MGAT5: variants seen among roughly 807,000 people sequenced by gnomAD.
The protein encoded by MGAT5 is alpha-1,6-mannosylglycoprotein 6-beta-N-acetylglucosaminyltransferase A.
MGAT5 carries 30 observed loss-of-function variants against 94.3 expected under a neutral mutation model. That is an observed-to-expected ratio of 0.32 (90% confidence interval 0.24 to 0.43). MGAT5 has a LOEUF of 0.43. Ranked by LOEUF, MGAT5 falls within the 20% of genes least tolerant of loss-of-function variation. MGAT5 has a pLI of 1.00. For synonymous variants in MGAT5, 310 were observed against 322.9 expected (o/e 0.96, Z 0.43); for missense variants, 691 against 905.5 (o/e 0.76, Z 3.04).
intron 1 of MGAT5, among the ~76,000 whole-genome samples, chr2:134,187,635 G>A (rs1364314164): frequency 2.0e-5 from 3 of 152,208 alleles, no homozygotes; most frequent in African/African-American, 7.2e-5. Context: ...TGGCATGTAA[G>A]TGTCATGAGG....
At chr2:134,377,124 G>A (rs1681232721) in intron 10 of MGAT5, among the ~76,000 whole-genome samples, 1 of 152,218 alleles carries the variant, frequency 6.6e-6, no homozygotes, top group African/African-American at 2.4e-5. Flanking sequence ...AATTAAAAGT[G>A]TGCCCAGCTA....
intron 14 of MGAT5, among the ~76,000 whole-genome samples, chr2:134,435,807 C>T (rs1247664138): frequency 2.0e-5 from 3 of 152,192 alleles, no homozygotes; most frequent in Non-Finnish European, 1.5e-5. Flanking sequence ...GGAATGAGTA[C>T]TTATGATAAG....
intron 4 of MGAT5, among the ~76,000 whole-genome samples, chr2:134,323,190 CA>C (rs1687432862): frequency 6.6e-6 from 1 of 152,080 alleles, no homozygotes; most frequent in Non-Finnish European, 1.5e-5. Flanking sequence ...GAAGAAAAGC[CA>C]TCAATATTTT....
At chr2:134,261,092 G>A (rs558422775) in intron 1 of MGAT5, among the ~76,000 whole-genome samples, 1 of 152,240 alleles carries the variant, frequency 6.6e-6, no homozygotes, top group East Asian at 1.9e-4. Flanking sequence ...GACAGGAGGA[G>A]TAAACTCAGA....
intron 9 of MGAT5, among the ~76,000 whole-genome samples, chr2:134,360,949 AAC>A (rs1680050907): frequency 6.6e-6 from 1 of 152,238 alleles, no homozygotes; most frequent in Non-Finnish European, 1.5e-5. Flanking sequence ...GGAGGGTGAC[AAC>A]ACAGTTTTTA....
At chr2:134,246,526 G>A (rs182693505) in intron 1 of MGAT5, among the ~76,000 whole-genome samples, 23 of 152,264 alleles carry the variant, frequency 1.5e-4, no homozygotes, top group African/African-American at 5.1e-4. Flanking sequence ...CACCGTCCCC[G>A]TTCCATCTGT....
chr2:134,341,202 C>T (rs1688611243), intron 6 of MGAT5, among the ~76,000 whole-genome samples: 1 of 152,022 alleles, frequency 6.6e-6, no homozygotes. Context: ...GTCATGTTTG[C>T]CTTTCCATGT....
In MGAT5 at chr2:134,270,497, A is replaced by G. The variant is rs1573662591; in HGVS notation, c.353A>G (p.Asn118Ser). 1 of 1,614,090 alleles carries G rather than the reference A, an allele frequency of 6.2e-7. No homozygotes were observed. Among genetic ancestry groups the G allele is most frequent in the Non-Finnish European group, 8.5e-7 (1 of 1,180,002 alleles). Residue 118 changes from asparagine (N) to serine (S), a missense_variant, in exon 2 of 16, where the codon AAC (asparagine) becomes AGC (serine). Asn to Ser is a conservative substitution (Grantham distance 46, BLOSUM62 1). Transcript: ENST00000281923. ...AATGGCACCGGAACAAACTCAACCA[A>G]CTCCACTACAGCTGTTCCCAGCTTG... ...VVNGTGTNST[N>S]STTAVPSLVA...
chr2:134,446,155 C>T (rs766830802), intron 15 of MGAT5, among the ~76,000 whole-genome samples: 4 of 152,044 alleles, frequency 2.6e-5, no homozygotes, highest in Admixed American at 6.6e-5. Flanking sequence ...GAGCACTCTG[C>T]GGCGGTCTCT....
chr2:134,275,342 A>G (rs1268552809), intron 2 of MGAT5, among the ~76,000 whole-genome samples: 1 of 152,156 alleles, frequency 6.6e-6, no homozygotes, highest in Non-Finnish European at 1.5e-5. Flanking sequence ...GTCAGAAGCT[A>G]TTCTTTTGGT....
chr2:134,202,814 G>A (rs1216660356), intron 1 of MGAT5, among the ~76,000 whole-genome samples: 1 of 152,256 alleles, frequency 6.6e-6, no homozygotes. Context: ...CACAGATAAT[G>A]TAACCCAACA....
intron 2 of MGAT5, among the ~76,000 whole-genome samples, chr2:134,275,577 CCTT>C (rs1261229748): frequency 8.5e-6 from 1 of 117,538 alleles, no homozygotes; most frequent in Non-Finnish European, 1.6e-5. Context: ...GGTGCTATTT[CCTT>C]TTTTTTTTTT....
intron 15 of MGAT5, among the ~76,000 whole-genome samples, chr2:134,443,842 T>C (rs915135261): frequency 6.6e-6 from 1 of 152,206 alleles, no homozygotes; most frequent in Non-Finnish European, 1.5e-5. Context: ...CTAGGGACTG[T>C]CTGCATAAGC....
intron 1 of MGAT5, among the ~76,000 whole-genome samples, chr2:134,135,128 C>T (rs1686345488): frequency 6.6e-6 from 1 of 152,166 alleles, no homozygotes. Context: ...TATTGAAATA[C>T]ATTAGATTTG....
In MGAT5 at chr2:134,151,275, C is replaced by T. The variant is rs564644946; in HGVS notation, c.-143+30984C>T. ...CCGCCCACTGCCATGGGACCTCACTCACTCATGCCCTGTGGGACCCACTCA... is the reference window on the plus strand; with the variant it reads ...CCGCCCACTGCCATGGGACCTCACTTACTCATGCCCTGTGGGACCCACTCA... On this transcript the variant is annotated intron_variant, in intron 1 of 16. Coordinates refer to the MGAT5 transcript ENST00000409645. Among the ~76,000 whole-genome samples the T allele has an allele frequency of 1.7e-4, 25 of 148,746 alleles. 1 individual carries two copies. The highest frequency in any genetic ancestry group is 6.2e-4 in the African/African-American group (25 of 40,266).
In MGAT5 at chr2:134,336,307, C is replaced by T; in HGVS notation, c.645+19C>T. ...TTCATTGGTAAGTGATTTTGGAAAA[C>T]TCTTTCTAGACTTGTGCATTTAGGT... On this transcript the variant is annotated intron_variant, in intron 5 of 15. Coordinates refer to ENST00000281923, the MANE Select transcript of MGAT5 (RefSeq NM_002410.5). The T allele has an allele frequency of 6.2e-7, 1 of 1,604,752 alleles. No individual in the cohort carries two copies. Among genetic ancestry groups the T allele is most frequent in the Non-Finnish European group, 8.5e-7 (1 of 1,172,584 alleles).
chr2:134,267,428 A>T (rs1408716972), intron 1 of MGAT5, among the ~76,000 whole-genome samples: 1 of 152,234 alleles, frequency 6.6e-6, no homozygotes, highest in Non-Finnish European at 1.5e-5. Context: ...TGCCTGGCAT[A>T]TAGAAAGTTC....
chr2:134,273,034 CGCGT>C (rs1684131078), intron 2 of MGAT5, among the ~76,000 whole-genome samples: 2 of 148,776 alleles, frequency 1.3e-5, no homozygotes, highest in African/African-American at 4.9e-5. Context: ...CGCGCGCGTG[CGCGT>C]GCATGCATGC....
At chr2:134,121,670 CA>C (rs1685598325) in intron 1 of MGAT5, among the ~76,000 whole-genome samples, 3 of 152,218 alleles carry the variant, frequency 2.0e-5, no homozygotes, top group Middle Eastern at 3.2e-3. Context: ...TGGGAAGGGG[CA>C]AACTCAGTTG....
Sources: allele counts gnomAD v4.1 joint callset (sites outside exome capture counted in the v4.1 genomes callset), GRCh38; gene constraint gnomAD v4.1.1; transcripts MANE v1.5; gene names NCBI Gene and HGNC (gene_info 2026-07-23, HGNC 2026-07-21).